Variants in CTNNA2 observed in about 807,000 individuals in gnomAD.
CTNNA2 encodes catenin alpha-2.
In CTNNA2, 42 loss-of-function variants were observed where a neutral mutation model predicts 101.0. That is an observed-to-expected ratio of 0.42 (90% confidence interval 0.32 to 0.54). The LOEUF (loss-of-function observed/expected upper bound fraction) is 0.54. Among genes scored for constraint, CTNNA2 ranks in the 20% least tolerant of loss-of-function variants. The pLI is 0.14. For missense variants in CTNNA2, 871 were observed against 1,223.1 expected, an observed-to-expected ratio of 0.71 and a Z score of 4.29; for synonymous variants, 450 against 456.4, an observed-to-expected ratio of 0.99 and a Z score of 0.18.
At chr2:79,621,749 C>T (rs1266872687) in intron 1 of CTNNA2, among the ~76,000 whole-genome samples, 1 of 152,112 alleles carries the variant, frequency 6.6e-6, no homozygotes, top group African/African-American at 2.4e-5. Context: ...AGTGGAGAAG[C>T]CTGCCTAACA....
intron 3 of CTNNA2, among the ~76,000 whole-genome samples, chr2:79,808,967 G>A (rs981005523): frequency 2.0e-5 from 3 of 152,100 alleles, no homozygotes; most frequent in African/African-American, 7.2e-5. Context: ...AGACCCTGGT[G>A]TGTGATGTTC....
chr2:79,819,481 T>C (rs1272572301), intron 3 of CTNNA2, among the ~76,000 whole-genome samples: 1 of 152,240 alleles, frequency 6.6e-6, no homozygotes, highest in Non-Finnish European at 1.5e-5. Flanking sequence ...TGATAGGCAC[T>C]TGCAGAATGA....
At chr2:79,612,393 G>C (rs1463154709) in intron 1 of CTNNA2, among the ~76,000 whole-genome samples, 1 of 152,060 alleles carries the variant, frequency 6.6e-6, no homozygotes, top group Non-Finnish European at 1.5e-5. Flanking sequence ...GTTTTTGTTG[G>C]AGGTTTGAAT....
chr2:80,001,022 G>A (rs1692910449), intron 7 of CTNNA2, among the ~76,000 whole-genome samples: 1 of 152,196 alleles, frequency 6.6e-6, no homozygotes, highest in South Asian at 2.1e-4. Flanking sequence ...CCTAAATGAG[G>A]ATGCTCTAGA....
rs575668779 is a variant in CTNNA2, at chr2:80,271,267, T to A, written c.1057-121944T>A. Among the ~76,000 whole-genome samples, 4 of 152,268 alleles carry A rather than the reference T, an allele frequency of 2.6e-5. No individual in the cohort carries two copies. The South Asian group carries it at 8.3e-4, about 32-fold the overall frequency. ...TATGTAGTGGTGGTGATAGTGATATTAGGTTGGGGTATGTATGTGTATGTT... is the reference window on the plus strand; with the variant it reads ...TATGTAGTGGTGGTGATAGTGATATAAGGTTGGGGTATGTATGTGTATGTT... On this transcript the variant is annotated intron_variant, in intron 7 of 18. Coordinates refer to ENST00000402739, the MANE Select transcript of CTNNA2 (RefSeq NM_001282597.3).
intron 4 of CTNNA2, among the ~76,000 whole-genome samples, chr2:79,452,145 A>G (rs1670762687): frequency 6.6e-6 from 1 of 152,164 alleles, no homozygotes; most frequent in Non-Finnish European, 1.5e-5. Context: ...AGCCATAAAG[A>G]TATTAATAAT....
intron 7 of CTNNA2, among the ~76,000 whole-genome samples, chr2:80,215,267 C>T (rs989028094): frequency 3.9e-5 from 6 of 152,168 alleles, no homozygotes; most frequent in African/African-American, 7.2e-5. Context: ...TCTCTCAGCT[C>T]GTCAAAGTCA....
At chr2:79,908,323 A>G (rs1166539244) in intron 6 of CTNNA2, among the ~76,000 whole-genome samples, 1 of 152,156 alleles carries the variant, frequency 6.6e-6, no homozygotes, top group African/African-American at 2.4e-5. Flanking sequence ...TGGTGAATAT[A>G]TAAGGAATAA....
intron 12 of CTNNA2, among the ~76,000 whole-genome samples, chr2:80,573,682 A>T (rs1560863): frequency 0.31 from 47,708 of 152,018 alleles, 7,711 homozygotes; most frequent in Admixed American, 0.39. Flanking sequence ...TTAGTTAAAT[A>T]TTTATTGATA....
At chr2:79,248,955 A>G (rs558608790) in intron 2 of CTNNA2, among the ~76,000 whole-genome samples, 1 of 152,298 alleles carries the variant, frequency 6.6e-6, no homozygotes, top group South Asian at 2.1e-4. Context: ...GTTACTTAGC[A>G]TGCCTTGGGC....
At chr2:79,971,656 G>C (rs528737150) in intron 7 of CTNNA2, among the ~76,000 whole-genome samples, 6 of 152,326 alleles carry the variant, frequency 3.9e-5, no homozygotes, top group African/African-American at 1.4e-4. Flanking sequence ...CTCAGGTTTG[G>C]TTGCATGAAG....
intron 3 of CTNNA2, among the ~76,000 whole-genome samples, chr2:79,798,560 C>CTTTTTTTTT (rs34542700): frequency 1.6e-5 from 2 of 123,792 alleles, no homozygotes; most frequent in African/African-American, 5.9e-5. Context: ...TATAATAAGA[C>CTTTTTTTTT]TTTTTTTTTT....
At chr2:79,194,329 A>G (rs1448050345) in intron 1 of CTNNA2, among the ~76,000 whole-genome samples, 1 of 152,162 alleles carries the variant, frequency 6.6e-6, no homozygotes, top group Non-Finnish European at 1.5e-5. Flanking sequence ...TGCATCTACC[A>G]AGGCCTTCAA....
chr2:80,504,032 CAT>C (rs1044158617), intron 9 of CTNNA2, among the ~76,000 whole-genome samples: 6 of 152,186 alleles, frequency 3.9e-5, no homozygotes, highest in African/African-American at 1.4e-4. Context: ...CCTAAAACAA[CAT>C]AAAATGTATT....
chr2:80,438,909 C>T (rs1004489044), intron 9 of CTNNA2, among the ~76,000 whole-genome samples: 4 of 152,206 alleles, frequency 2.6e-5, no homozygotes, highest in African/African-American at 9.6e-5. Flanking sequence ...ACATCGACCA[C>T]TCCTTTTTAT....
intron 7 of CTNNA2, among the ~76,000 whole-genome samples, chr2:80,174,500 A>C (rs570891980): frequency 1.5e-4 from 23 of 152,228 alleles, no homozygotes; most frequent in Non-Finnish European, 2.4e-4. Context: ...TCATTTACAC[A>C]ATCCTAGGCC....
At chr2:79,547,583 A>T (rs1401625258) in intron 1 of CTNNA2, 1 of 152,182 alleles carries the variant, frequency 6.6e-6, no homozygotes, top group South Asian at 2.1e-4. Flanking sequence ...GAATTATCTG[A>T]TGCATAATAA....
chr2:79,462,957 C>T (rs1208313682), intron 4 of CTNNA2, among the ~76,000 whole-genome samples: 2 of 152,158 alleles, frequency 1.3e-5, no homozygotes, highest in African/African-American at 4.8e-5. Flanking sequence ...AAGAGTCATC[C>T]AGGTATCACA....
At chr2:79,915,467 T>C (rs2104352666) in intron 7 of CTNNA2, among the ~76,000 whole-genome samples, 2 of 152,326 alleles carry the variant, frequency 1.3e-5, no homozygotes, top group Middle Eastern at 3.4e-3. Flanking sequence ...ACTGGCTGCA[T>C]AGCATTTTAT....
Sources: gnomAD v4.1 joint callset for allele counts (sites outside exome capture counted in the v4.1 genomes callset) on GRCh38, gnomAD v4.1.1 for gene constraint, MANE v1.5 for transcripts, NCBI Gene and HGNC (gene_info 2026-07-23, HGNC 2026-07-21) for gene names.